INTS6L: variants seen among roughly 807,000 people sequenced by gnomAD.
The protein encoded by INTS6L is integrator complex subunit 6 like.
INTS6L carries 18 observed loss-of-function variants against 64.7 expected under a neutral mutation model. The ratio of observed to expected loss-of-function variants is 0.28; its 90% CI spans 0.19 to 0.41. INTS6L has a LOEUF of 0.41. INTS6L is among the 10% of genes least tolerant of loss of function. The pLI, the probability that INTS6L is intolerant of heterozygous loss-of-function variation, is 1.00. For missense variants in INTS6L, 533 were observed against 661.0 expected (o/e 0.81, Z 2.12); for synonymous variants, 227 against 235.9 (o/e 0.96, Z 0.34).
At chrX:135,531,196 A>G (rs1556504730) in intron 2 of INTS6L, among the ~76,000 whole-genome samples, 3 of 112,588 alleles carry the variant, frequency 2.7e-5, no homozygotes, top group African/African-American at 9.7e-5. Flanking sequence ...TACATTTGAA[A>G]CTAACTACTT....
chrX:135,554,243 A>G (rs1556518229), intron 8 of INTS6L, among the ~76,000 whole-genome samples: 1 of 112,222 alleles, frequency 8.9e-6, no homozygotes, highest in African/African-American at 3.2e-5. Context: ...GAGAGAAAGA[A>G]ACAAAATTCA....
At chrX:135,552,954 A>G (rs782042435) in intron 8 of INTS6L, among the ~76,000 whole-genome samples, 13 of 112,405 alleles carry the variant, frequency 1.2e-4, no homozygotes, top group Non-Finnish European at 2.3e-4. Context: ...TCAGACTGCC[A>G]TCTGTTTTAT....
At chrX:135,547,325 A>G in intron 6 of INTS6L, 60 bp downstream of exon 6, 1 of 1,103,044 alleles carries the variant, frequency 9.1e-7, no homozygotes, top group Non-Finnish European at 1.2e-6. Flanking sequence ...AAGACATTAA[A>G]TAAATTACTA....
At chrX:135,569,226 C>T in intron 9 of INTS6L, 111 bp from the exon 10 acceptor site, 1 of 379,740 alleles carries the variant, frequency 2.6e-6, no homozygotes, top group Non-Finnish European at 4.4e-6. Flanking sequence ...CAAATAAACG[C>T]CAATGAAATT....
At position 135,572,940 on chromosome X, in the gene INTS6L, A is replaced by T. The variant is rs782108311; in HGVS notation, c.1524A>T (p.Lys508Asn). ...MSLTHNKNFRKLLKEITGETA... is the reference protein window; with the variant it reads ...MSLTHNKNFRNLLKEITGETA... ...TGACTCACAATAAAAATTTTAGAAA[A>T]CTATTGAAAGAAATCACAGGGGAAA... is the stretch of plus-strand genomic sequence containing the variant. The change falls in exon 12 of 18, where the codon AAA becomes AAT. Residue 508 changes from lysine (K) to asparagine (N), a missense_variant. Transcript: ENST00000639893. The T allele has an allele frequency of 1.5e-5, 18 of 1,209,790 alleles. No homozygotes were observed. The highest frequency in any genetic ancestry group is 4.4e-5 in the Admixed American group (2 of 45,795).
chrX:135,570,362 G>A, intron 10 of INTS6L, 74 bp from the exon 11 acceptor site: 3 of 936,252 alleles, frequency 3.2e-6, no homozygotes, highest in Non-Finnish European at 4.3e-6. Context: ...ATGTCCCTTT[G>A]CCCCTTATAA....
intron 2 of INTS6L, among the ~76,000 whole-genome samples, chrX:135,536,486 G>T (rs1264576932): frequency 1.8e-5 from 2 of 110,749 alleles, no homozygotes; most frequent in Non-Finnish European, 3.8e-5. Flanking sequence ...TATTAGTAAG[G>T]TCGCTAACAT....
intron 2 of INTS6L, among the ~76,000 whole-genome samples, chrX:135,524,126 C>T (rs1556499682): frequency 8.9e-6 from 1 of 111,828 alleles, no homozygotes; most frequent in Non-Finnish European, 1.9e-5. Context: ...CTCCTGCCAG[C>T]CTGCCTCCAA....
chrX:135,563,963 A>G (rs1556523610), intron 9 of INTS6L, among the ~76,000 whole-genome samples: 1 of 110,194 alleles, frequency 9.1e-6, no homozygotes, highest in Non-Finnish European at 1.9e-5. Context: ...CTCCTTCCAA[A>G]TTTGGCCGGT....
At chrX:135,521,776 CCTGCGACT>C (rs1569505753) in intron 2 of INTS6L, among the ~76,000 whole-genome samples, 1 of 103,458 alleles carries the variant, frequency 9.7e-6, no homozygotes, top group Non-Finnish European at 2.0e-5. Flanking sequence ...CCGGACGGAG[CCTGCGACT>C]CCGCCCCGAG....
rs76910143 is a variant in INTS6L at position 135,543,749 on chromosome X, A to G, written c.190-1674A>G. Among the ~76,000 whole-genome samples the G allele has an allele frequency of 7.1e-5, 8 of 112,585 alleles. No individual in the cohort carries two copies. The East Asian group carries it at 1.7e-3, about 23-fold the overall frequency. On this transcript the variant is annotated intron_variant, in intron 2 of 17. Coordinates refer to ENST00000639893, the MANE Select transcript of INTS6L (RefSeq NM_001351601.3). ...AATTTCCTAATTCAGTGTGATTTATAATCAACTACTGATAGTTCCAGGTAT... is the reference window on the plus strand; with the variant it reads ...AATTTCCTAATTCAGTGTGATTTATGATCAACTACTGATAGTTCCAGGTAT...
chrX:135,540,716 G>GCTCCTCCTCCTCCTCCTC (rs149159206), intron 2 of INTS6L, among the ~76,000 whole-genome samples: 8 of 97,326 alleles, frequency 8.2e-5, no homozygotes, highest in Non-Finnish European at 1.2e-4. Flanking sequence ...CCTCCTAGCT[G>GCTCCTCCTCCTCCTCCTC]CTCCTCCTCC....
intron 2 of INTS6L, among the ~76,000 whole-genome samples, chrX:135,534,717 C>G (rs2086006686): frequency 1.0e-5 from 1 of 98,866 alleles, no homozygotes; most frequent in African/African-American, 3.8e-5. Context: ...GAGTCTTGCT[C>G]TGACACCCAG....
chrX:135,574,083 T>A, intron 13 of INTS6L, 21 bp downstream of exon 13: 1 of 156,980 alleles, frequency 6.4e-6, no homozygotes, highest in Non-Finnish European at 1.1e-5. Flanking sequence ...TGTGAAATAC[T>A]TTTTTTTTTT....
intron 2 of INTS6L, among the ~76,000 whole-genome samples, chrX:135,527,673 A>C (rs1301452151): frequency 8.9e-6 from 1 of 112,210 alleles, no homozygotes; most frequent in East Asian, 2.8e-4. Flanking sequence ...ATTGAAGAGA[A>C]ATAGGACAAA....
chrX:135,551,693 T>C (rs1454595562), intron 7 of INTS6L, among the ~76,000 whole-genome samples: 1 of 112,148 alleles, frequency 8.9e-6, no homozygotes, highest in Non-Finnish European at 1.9e-5. Flanking sequence ...CCTACAATCA[T>C]AAGCACTTCT....
chrX:135,570,687 A>G (rs2087068983), intron 11 of INTS6L, 141 bp downstream of exon 11: 3 of 702,311 alleles, frequency 4.3e-6, no homozygotes, highest in Non-Finnish European at 6.0e-6. Flanking sequence ...GTGATTCTCT[A>G]TGGCTTCTAG....
intron 9 of INTS6L, among the ~76,000 whole-genome samples, chrX:135,559,334 G>A (rs1484734000): frequency 9.0e-5 from 10 of 111,384 alleles, no homozygotes; most frequent in Admixed American, 2.9e-4. Context: ...ACCACTAATC[G>A]GTTCTACATG....
intron 9 of INTS6L, among the ~76,000 whole-genome samples, chrX:135,557,919 A>T (rs781977070): frequency 3.6e-5 from 4 of 112,336 alleles, no homozygotes; most frequent in Non-Finnish European, 7.5e-5. Context: ...TCCAAAAAAT[A>T]TAAGGAAGTC....
Sources: gnomAD v4.1 joint callset for allele counts (sites outside exome capture counted in the v4.1 genomes callset) on GRCh38, gnomAD v4.1.1 for gene constraint, MANE v1.5 for transcripts, NCBI Gene and HGNC (gene_info 2026-07-23, HGNC 2026-07-21) for gene names.